The following CACFD1 variants were observed in gnomAD, a reference collection of about 807,000 sequenced individuals.
The protein encoded by CACFD1 is calcium channel flower homolog.
A neutral mutation model predicts 21.3 loss-of-function variants in CACFD1; 26 were observed. That is an observed-to-expected ratio of 1.22 (90% CI 0.89 to 1.69). The LOEUF (loss-of-function observed/expected upper bound fraction) is 1.69, where lower values mean the gene tolerates loss of function less well. Ranked by LOEUF, CACFD1 falls within the 40% of genes most tolerant of loss-of-function variation. CACFD1 has a pLI of 0.00. For missense variants in CACFD1, 265 were observed against 236.2 expected (o/e 1.12, Z -0.80); for synonymous variants, 121 against 106.6 (o/e 1.13, Z -0.83).
At position 133,468,629 on chromosome 9, in the gene CACFD1, G is replaced by A. The variant is rs782284324; in HGVS notation, c.495G>A (p.Ala165=). ...QRQQADEEKL[A]ETLEGEL is the part of the protein sequence containing the mutation. ...AGCAGGCGGATGAGGAGAAGCTCGC[G>A]GAGACCCTGGAGGGGGAGCTGTGAA... The change falls in exon 5 of 5, where the codon GCG becomes GCA. Residue 165 remains alanine, a synonymous_variant. Coordinates refer to ENST00000316948, the MANE Select transcript of CACFD1 (RefSeq NM_017586.5). 8.5e-5 allele frequency: 134 copies of A among 1,583,620 alleles called. No individual in the cohort carries two copies. The highest frequency in any genetic ancestry group is 2.2e-4 in the South Asian group (19 of 86,480).
intron 1 of CACFD1, among the ~76,000 whole-genome samples, chr9:133,462,836 G>A (rs940016800): frequency 1.3e-5 from 2 of 152,244 alleles, no homozygotes; most frequent in Admixed American, 6.5e-5. Context: ...GCATTTCAGC[G>A]GTGGGTGGCT....
chr9:133,461,380 C>T (rs1162372266), intron 1 of CACFD1, among the ~76,000 whole-genome samples: 2 of 152,258 alleles, frequency 1.3e-5, no homozygotes, highest in African/African-American at 4.8e-5. Flanking sequence ...CACAAAAAGG[C>T]CCCGAGTTTG....
intron 4 of CACFD1, 45 bp from the exon 5 acceptor site, chr9:133,468,518 C>A: frequency 6.4e-7 from 1 of 1,552,474 alleles, no homozygotes; most frequent in Non-Finnish European, 8.7e-7. Context: ...GGGCTGTGGG[C>A]ATGGGGCTGG....
Position 133,468,824 on chromosome 9 carries a change from C to A in CACFD1, c.*171C>A. On this transcript the variant is annotated 3_prime_UTR_variant, in exon 5 of 5. Transcript: ENST00000316948. ...ACTGGCTTAAGCCAGGAGCCACTGG[C>A]TGCTGGTGTGAGGGTCTGGGCTGCT... 1 of 1,208,924 alleles carries A rather than the reference C, an allele frequency of 8.3e-7. No homozygotes were observed. The highest frequency in any genetic ancestry group is 1.1e-6 in the Non-Finnish European group (1 of 896,284). The allele number at this position is 1,208,924 out of a possible 1,614,324, so 74.9% of individuals were successfully genotyped here.
intron 4 of CACFD1, 186 bp from the exon 5 acceptor site, chr9:133,468,377 C>G (rs1843530409): frequency 1.3e-6 from 2 of 1,535,822 alleles, no homozygotes; most frequent in South Asian, 2.4e-5. Context: ...AGCCCAGCAT[C>G]CCAGGGAGCC....
intron 1 of CACFD1, 38 bp downstream of exon 1, chr9:133,460,225 C>T: frequency 6.7e-7 from 1 of 1,492,116 alleles, no homozygotes; most frequent in Non-Finnish European, 8.9e-7. Context: ...GGCCCCGCCG[C>T]GCATGCGCTC....
Position 133,465,254 on chromosome 9 carries a change from C to T in CACFD1, c.195-68C>T, listed in dbSNP as rs1843386430. On this transcript the variant is annotated intron_variant, in intron 2 of 4. Transcript: ENST00000316948. This position sits in a 1 kb window ranked among gnomAD's most constrained non-coding sequence, Gnocchi z 5.0. Reference sequence around the variant, plus strand: ...GAGGTGGCATTCCTTATGGCACTGGCACTGGGGGCCGCCCTCATCCTCCTG... The same window carrying T: ...GAGGTGGCATTCCTTATGGCACTGGTACTGGGGGCCGCCCTCATCCTCCTG... 2 of 1,585,182 alleles carry T rather than the reference C, an allele frequency of 1.3e-6. No individual in the cohort carries two copies. The highest frequency in any genetic ancestry group is 2.1e-4 in the Middle Eastern group (1 of 4,684).
At chr9:133,468,493 G>T in intron 4 of CACFD1, 70 bp from the exon 5 acceptor site, 1 of 1,544,068 alleles carries the variant, frequency 6.5e-7, no homozygotes, top group East Asian at 2.4e-5. Flanking sequence ...GGCAGGAACC[G>T]GGCAGTGGTC....
At position 133,468,859 on chromosome 9, in the gene CACFD1, G is replaced by C; in HGVS notation, c.*206G>C. ...GAGGGTCTGGGCTGCTGGACTTGAG[G>C]CAGAGCCTGCAGCAGCTGTGTGGAC... On this transcript the variant is annotated 3_prime_UTR_variant, in exon 5 of 5. Coordinates refer to ENST00000316948, the MANE Select transcript of CACFD1 (RefSeq NM_017586.5). The C allele has an allele frequency of 1.2e-6, 1 of 801,460 alleles. No individual in the cohort carries two copies. Among genetic ancestry groups the C allele is most frequent in the Admixed American group, 3.1e-5 (1 of 31,916 alleles). 49.6% of individuals were successfully genotyped at this position (801,460 alleles called of 1,614,324 possible).
chr9:133,460,804 G>A (rs1554798356), intron 1 of CACFD1, among the ~76,000 whole-genome samples: 1 of 152,184 alleles, frequency 6.6e-6, no homozygotes, highest in African/African-American at 2.4e-5. Context: ...GCCTCTCCCT[G>A]GGTCCTCTGT....
Position 133,464,516 on chromosome 9 carries a change from C to T in CACFD1, c.195-806C>T, listed in dbSNP as rs115819600. 1.2e-3 allele frequency among the ~76,000 whole-genome samples: 175 copies of T among 152,098 alleles called. 1 individual carries two copies. The highest frequency in any genetic ancestry group is 3.4e-3 in the Middle Eastern group (1 of 292). On this transcript the variant is annotated intron_variant, in intron 2 of 4. Transcript: ENST00000316948. ...AGAGTTGTGAAGAGAGTGCCTGCCC[C>T]GGGCTTGGGGTGGCTCTTAGGTGTC...
chr9:133,467,553 G>C (rs28552957), intron 3 of CACFD1, among the ~76,000 whole-genome samples: 1 of 152,094 alleles, frequency 6.6e-6, no homozygotes, highest in Non-Finnish European at 1.5e-5. Flanking sequence ...TGGAGATTCC[G>C]AGTAACTTGC....
chr9:133,465,521 A>C lies in CACFD1; in HGVS notation c.320+74A>C. ...ACTGACAAAATAGGACCCAAAAGTC[A>C]GGTGAGGGTGGGCAGTGTATTCAGT... On this transcript the variant is annotated intron_variant, in intron 3 of 4. Transcript: ENST00000316948. The surrounding 1 kb of genome is among the most constrained non-coding windows in gnomAD (Gnocchi z 5.0). 1 of 1,444,414 alleles carries C rather than the reference A, an allele frequency of 6.9e-7. No individual in the cohort carries two copies. Among genetic ancestry groups the C allele is most frequent in the Non-Finnish European group, 9.5e-7 (1 of 1,052,894 alleles). The allele number at this position is 1,444,414 out of a possible 1,614,324, so 89.5% of individuals were successfully genotyped here.
At chr9:133,463,679 T>C (rs1843314529) in intron 2 of CACFD1, 124 bp downstream of exon 2, 6 of 983,898 alleles carry the variant, frequency 6.1e-6, no homozygotes, top group Non-Finnish European at 7.9e-6. Flanking sequence ...CCATGGCTAC[T>C]GGCTCCAGCC....
chr9:133,468,537 G>T, intron 4 of CACFD1, 26 bp from the exon 5 acceptor site: 1 of 1,559,598 alleles, frequency 6.4e-7, no homozygotes, highest in Non-Finnish European at 8.7e-7. Flanking sequence ...GGTGCTCCAC[G>T]TGACGCTGCC....
At chr9:133,464,790 G>T (rs1332859274) in intron 2 of CACFD1, among the ~76,000 whole-genome samples, 1 of 152,200 alleles carries the variant, frequency 6.6e-6, no homozygotes, top group Non-Finnish European at 1.5e-5. Flanking sequence ...CGGGCCTGGG[G>T]CCGGTGGCAT....
At chr9:133,463,348 C>A (rs1012233288) in intron 1 of CACFD1, 135 bp from the exon 2 acceptor site, 9 of 1,527,342 alleles carry the variant, frequency 5.9e-6, no homozygotes, top group African/African-American at 1.4e-5. Flanking sequence ...AGAGGGCAGG[C>A]TTCTGGGTGC....
rs1031989070 is a variant in CACFD1 at position 133,466,312 on chromosome 9, A to T, written c.320+865A>T. ...CATTCACAATAATTTGGAATATAGA[A>T]CAATGTTACTCGAAGCCCGCTGCCT... On this transcript the variant is annotated intron_variant, in intron 3 of 4. Coordinates refer to ENST00000316948, the MANE Select transcript of CACFD1 (RefSeq NM_017586.5). Among the ~76,000 whole-genome samples, 3 of 152,350 alleles carry T rather than the reference A, an allele frequency of 2.0e-5. No individual in the cohort carries two copies. In the East Asian group the frequency reaches 5.8e-4, roughly 29 times the overall value.
chr9:133,463,650 G>C, intron 2 of CACFD1, 95 bp downstream of exon 2: 1 of 1,324,620 alleles, frequency 7.5e-7, no homozygotes. Flanking sequence ...GGCCGTGGGA[G>C]TGGGCATCCT....
Sources: allele counts gnomAD v4.1 joint callset (sites outside exome capture counted in the v4.1 genomes callset), GRCh38; gene constraint gnomAD v4.1.1; non-coding constraint Gnocchi (gnomAD v3.1); transcripts MANE v1.5; gene names NCBI Gene and HGNC (gene_info 2026-07-23, HGNC 2026-07-21).